The following NAALADL2 variants were observed in gnomAD, a reference collection of about 807,000 sequenced individuals.
NAALADL2 encodes N-acetylated alpha-linked acidic dipeptidase like 2, also known as inactive N-acetylated-alpha-linked acidic dipeptidase-like protein 2.
In NAALADL2, 76 loss-of-function variants were observed where a neutral mutation model predicts 87.2. The observed-to-expected ratio is 0.87, with a 90% CI of 0.72 to 1.05. The LOEUF (loss-of-function observed/expected upper bound fraction) is 1.05. NAALADL2 is among the 50% of genes least tolerant of loss of function. The pLI, the probability that NAALADL2 is intolerant of heterozygous loss-of-function variation, is 0.00. For missense variants in NAALADL2, 1,089 were observed against 945.8 expected (o/e 1.15, Z -1.99); for synonymous variants, 354 against 331.0 (o/e 1.07, Z -0.75).
intron 2 of NAALADL2, among the ~76,000 whole-genome samples, chr3:174,670,452 A>AT (rs1427398036): frequency 6.6e-6 from 1 of 151,836 alleles, no homozygotes; most frequent in African/African-American, 2.4e-5. Flanking sequence ...CCTATTACTT[A>AT]TTTTTTAGTT....
chr3:174,460,832 C>T (rs1716170695), intron 1 of NAALADL2, among the ~76,000 whole-genome samples: 1 of 151,942 alleles, frequency 6.6e-6, no homozygotes, highest in Admixed American at 6.6e-5. Flanking sequence ...CTTTCCTCTT[C>T]AATTGAGTAA....
At chr3:175,331,396 T>C (rs1761381032) in intron 5 of NAALADL2, among the ~76,000 whole-genome samples, 1 of 151,994 alleles carries the variant, frequency 6.6e-6, no homozygotes, top group African/African-American at 2.4e-5. Context: ...ACACAAAAAA[T>C]CATCAACCAA....
At chr3:175,504,001 G>T (rs1301259870) in intron 9 of NAALADL2, among the ~76,000 whole-genome samples, 1 of 152,058 alleles carries the variant, frequency 6.6e-6, no homozygotes, top group East Asian at 1.9e-4. Context: ...CGAAATTTTT[G>T]CCAGGTCCTA....
intron 2 of NAALADL2, among the ~76,000 whole-genome samples, chr3:174,609,738 C>T (rs1240278923): frequency 5.3e-5 from 8 of 152,142 alleles, no homozygotes; most frequent in Non-Finnish European, 1.2e-4. Context: ...GGCCATACTG[C>T]CCAAGGTAAT....
chr3:175,729,807 G>GT (rs5854655), intron 11 of NAALADL2, among the ~76,000 whole-genome samples: 35,026 of 144,502 alleles, frequency 0.24, 4,369 homozygotes, highest in Middle Eastern at 0.32. Flanking sequence ...TGACATCCCA[G>GT]TTTTTTTTTC....
intron 2 of NAALADL2, among the ~76,000 whole-genome samples, chr3:175,227,452 A>G (rs997425979): frequency 1.3e-5 from 2 of 152,050 alleles, no homozygotes; most frequent in Admixed American, 6.6e-5. Flanking sequence ...TTTAAAAAGT[A>G]AAGCACAGTA....
chr3:174,717,715 A>T (rs1294559573), intron 2 of NAALADL2, among the ~76,000 whole-genome samples: 1 of 152,232 alleles, frequency 6.6e-6, no homozygotes. Flanking sequence ...AATATTAAAT[A>T]TGTAGTAAGA....
chr3:175,761,806 T>A (rs1748050177), intron 13 of NAALADL2, among the ~76,000 whole-genome samples: 1 of 152,222 alleles, frequency 6.6e-6, no homozygotes, highest in Non-Finnish European at 1.5e-5. Context: ...TTATTTGATG[T>A]GATATCTGTT....
intron 1 of NAALADL2, among the ~76,000 whole-genome samples, chr3:174,976,239 A>G (rs76460758): frequency 1.3e-5 from 2 of 152,186 alleles, no homozygotes; most frequent in African/African-American, 2.4e-5. Context: ...CCTTAAAACT[A>G]TCTTATAGAT....
intron 11 of NAALADL2, among the ~76,000 whole-genome samples, chr3:175,642,526 C>G (rs1471424355): frequency 2.0e-5 from 3 of 147,406 alleles, no homozygotes; most frequent in Admixed American, 1.4e-4. Context: ...CTTGAGACAG[C>G]GTCTCGCTCT....
At chr3:174,904,790 T>A (rs1206523516) in intron 1 of NAALADL2, among the ~76,000 whole-genome samples, 2 of 151,828 alleles carry the variant, frequency 1.3e-5, no homozygotes, top group Non-Finnish European at 2.9e-5. Context: ...TTCACTCAAC[T>A]TGTGAAATAG....
At chr3:174,745,409 T>C (rs990650002) in intron 3 of NAALADL2, among the ~76,000 whole-genome samples, 1 of 152,108 alleles carries the variant, frequency 6.6e-6, no homozygotes, top group South Asian at 2.1e-4. Context: ...GTCGAATCCC[T>C]GAATAGACCA....
At chr3:175,199,774 A>G (rs1332430729) in intron 2 of NAALADL2, among the ~76,000 whole-genome samples, 1 of 130,504 alleles carries the variant, frequency 7.7e-6, no homozygotes, top group Non-Finnish European at 1.6e-5. Flanking sequence ...TTGCTGCGTT[A>G]AGACAGTATC....
chr3:174,673,577 A>G (rs62284750), intron 2 of NAALADL2, among the ~76,000 whole-genome samples: 12,398 of 149,630 alleles, frequency 0.083, 725 homozygotes, highest in South Asian at 0.28. Flanking sequence ...TCTCACTCAC[A>G]TGTAAGAACT....
intron 2 of NAALADL2, among the ~76,000 whole-genome samples, chr3:175,097,842 A>G (rs1721424267): frequency 6.6e-6 from 1 of 152,154 alleles, no homozygotes; most frequent in Admixed American, 6.6e-5. Context: ...GATATGCAAG[A>G]TGAGGTATTT....
At position 174,732,001 on chromosome 3, in the gene NAALADL2, G is replaced by C. The variant is rs570827795; in HGVS notation, c.-114-5640G>C. Among the ~76,000 whole-genome samples the C allele has an allele frequency of 5.9e-5, 9 of 152,264 alleles. No homozygotes were observed. The East Asian group carries it at 1.7e-3, about 29-fold the overall frequency. ...ATAAACAATACATAAATGAATGGGT[G>C]TGGTTGTGTCCCAATGAAATTTTAC... On this transcript the variant is annotated intron_variant, in intron 2 of 3. Transcript: ENST00000434257.
chr3:175,462,503 G>A (rs377243977), intron 6 of NAALADL2, among the ~76,000 whole-genome samples: 30 of 152,246 alleles, frequency 2.0e-4, no homozygotes, highest in African/African-American at 7.0e-4. Flanking sequence ...AGTAAGAAGT[G>A]ACATTTGTAG....
At chr3:175,324,377 G>T in intron 5 of NAALADL2, 52 bp downstream of exon 5, 9 of 1,413,668 alleles carry the variant, frequency 6.4e-6, no homozygotes, top group Non-Finnish European at 8.6e-6. Context: ...TTACAAGGTT[G>T]CAATTTATAA....
intron 2 of NAALADL2, among the ~76,000 whole-genome samples, chr3:174,643,596 G>T (rs1011185904): frequency 6.6e-6 from 1 of 152,132 alleles, no homozygotes; most frequent in Non-Finnish European, 1.5e-5. Flanking sequence ...AGAGGTTGCA[G>T]TGAGCCGAGA....
Sources: allele counts gnomAD v4.1 joint callset (sites outside exome capture counted in the v4.1 genomes callset), GRCh38; gene constraint gnomAD v4.1.1; transcripts MANE v1.5; gene names NCBI Gene and HGNC (gene_info 2026-07-23, HGNC 2026-07-21).